Variants in CSMD1 observed in about 807,000 individuals in gnomAD.
The protein encoded by CSMD1 is CUB and Sushi multiple domains 1.
In CSMD1, 213 loss-of-function variants were observed where a neutral mutation model predicts 417.5. That is an observed-to-expected ratio of 0.51 (90% confidence interval 0.46 to 0.57). The LOEUF is 0.57. Ranked by LOEUF, CSMD1 falls within the 20% of genes least tolerant of loss-of-function variation. The probability of loss-of-function intolerance (pLI) is 0.00; values close to 1 mark genes in which losing one functional copy is unlikely to be tolerated. For synonymous variants in CSMD1, 2,862 were observed against 1,736.8 expected (o/e 1.65, Z -16.11); for missense variants, 6,923 against 4,529.7 (o/e 1.53, Z -15.17).
chr8:3,522,586 T>A (rs1797552982), intron 10 of CSMD1, among the ~76,000 whole-genome samples: 1 of 152,136 alleles, frequency 6.6e-6, no homozygotes, highest in African/African-American at 2.4e-5. Flanking sequence ...GGAACACTAC[T>A]CATGTTTCAG....
intron 5 of CSMD1, among the ~76,000 whole-genome samples, chr8:3,843,614 G>C (rs2129095728): frequency 6.6e-6 from 1 of 152,244 alleles, no homozygotes; most frequent in African/African-American, 2.4e-5. Flanking sequence ...ATATTTTAAA[G>C]AGAAATTTGT....
intron 1 of CSMD1, among the ~76,000 whole-genome samples, chr8:4,924,914 T>A (rs999708543): frequency 3.9e-5 from 6 of 152,194 alleles, no homozygotes; most frequent in Admixed American, 3.9e-4. Context: ...CCAAATCTTG[T>A]CTCTTCAAAT....
intron 18 of CSMD1, among the ~76,000 whole-genome samples, chr8:3,382,712 A>G (rs1810715525): frequency 6.6e-6 from 1 of 150,748 alleles, no homozygotes; most frequent in South Asian, 2.1e-4. Context: ...TTAGTGTTGC[A>G]TTTCTTCTCT....
At chr8:4,742,203 T>C (rs1188928825) in intron 1 of CSMD1, among the ~76,000 whole-genome samples, 1 of 151,092 alleles carries the variant, frequency 6.6e-6, no homozygotes, top group Non-Finnish European at 1.5e-5. Flanking sequence ...GCTAATTTTT[T>C]GTATTTTTAG....
intron 2 of CSMD1, among the ~76,000 whole-genome samples, chr8:4,583,668 C>G (rs1456042365): frequency 2.0e-5 from 3 of 152,146 alleles, no homozygotes; most frequent in East Asian, 1.9e-4. Flanking sequence ...TCTAACTAAT[C>G]TGATGGGGTC....
At chr8:3,554,445 G>C (rs1372861473) in intron 10 of CSMD1, among the ~76,000 whole-genome samples, 10 of 152,176 alleles carry the variant, frequency 6.6e-5, no homozygotes, top group East Asian at 1.9e-4. Flanking sequence ...TGGGGGAGCA[G>C]AGAACAGGGT....
At chr8:3,046,302 G>C (rs571028425) in intron 50 of CSMD1, among the ~76,000 whole-genome samples, 1 of 152,282 alleles carries the variant, frequency 6.6e-6, no homozygotes, top group South Asian at 2.1e-4. Flanking sequence ...GCAGGGCTTG[G>C]TGAGGGAATG....
chr8:4,820,818 GT>G lies in CSMD1; in HGVS notation c.85+173513del, dbSNP rs1422899821. Among the ~76,000 whole-genome samples, 3 of 152,140 alleles carry G rather than the reference GT, an allele frequency of 2.0e-5. No individual in the cohort carries two copies. In the East Asian group the frequency reaches 5.8e-4, roughly 29 times the overall value. On this transcript the variant is annotated intron_variant, in intron 1 of 69. Coordinates refer to ENST00000635120, the MANE Select transcript of CSMD1 (RefSeq NM_033225.6). Reference sequence around the variant, plus strand: ...AGACAATAAGATGAAGACAGTAACTGTAATACTTGTTGCAAGCTAAATACTA... The same window carrying G: ...AGACAATAAGATGAAGACAGTAACTGAATACTTGTTGCAAGCTAAATACTA...
intron 2 of CSMD1, among the ~76,000 whole-genome samples, chr8:4,468,010 G>A (rs1047555229): frequency 1.3e-5 from 2 of 152,116 alleles, no homozygotes; most frequent in Non-Finnish European, 2.9e-5. Flanking sequence ...TTTGTGTAGT[G>A]ATAACCCCAT....
At chr8:4,143,975 G>A (rs1425069537) in intron 3 of CSMD1, among the ~76,000 whole-genome samples, 1 of 151,338 alleles carries the variant, frequency 6.6e-6, no homozygotes, top group African/African-American at 2.5e-5. Flanking sequence ...CCAATCCAAG[G>A]CACTCTCCCT....
chr8:4,891,986 C>T (rs1424985566), intron 1 of CSMD1, among the ~76,000 whole-genome samples: 1 of 151,886 alleles, frequency 6.6e-6, no homozygotes, highest in African/African-American at 2.4e-5. Flanking sequence ...GAGGTAAGAC[C>T]AAAATAGCTC....
chr8:3,155,605 G>C lies in CSMD1; in HGVS notation c.5914+2292C>G, dbSNP rs1430517019. 3.2e-4 allele frequency among the ~76,000 whole-genome samples: 48 copies of C among 151,390 alleles called. 1 individual carries two copies. Among genetic ancestry groups the C allele is most frequent in the Non-Finnish European group, 5.9e-5 (4 of 67,858 alleles). On this transcript the variant is annotated intron_variant, in intron 39 of 69. Transcript: ENST00000635120. ...GATGGTCTCGATCTCCTGACTTCGT[G>C]ATCCACTCGCCTCAGCCTCCCAAAG... is the stretch of plus-strand genomic sequence containing the variant.
intron 14 of CSMD1, among the ~76,000 whole-genome samples, 192 bp downstream of exon 14, chr8:3,407,707 A>C (rs1563356254): frequency 6.6e-6 from 1 of 152,228 alleles, no homozygotes; most frequent in Admixed American, 6.5e-5. Context: ...GAAGCCACCT[A>C]TCTAAATACA....
In CSMD1 at chr8:4,007,196, C is replaced by A. The variant is rs76766786; in HGVS notation, c.611-9086G>T. Among the ~76,000 whole-genome samples the A allele has an allele frequency of 6.2e-3, 938 of 152,062 alleles. 59 individuals are homozygous for A. In the East Asian group the frequency reaches 0.13, roughly 22 times the overall value. ...CTGATGCCCACTTTCATAGAACATG[C>A]CTTCTATATATTTTCTATTCAAAGC... On this transcript the variant is annotated intron_variant, in intron 4 of 69. Transcript: ENST00000635120.
chr8:2,970,207 T>C (rs560898840), intron 57 of CSMD1, among the ~76,000 whole-genome samples: 1 of 152,222 alleles, frequency 6.6e-6, no homozygotes, highest in Non-Finnish European at 1.5e-5. Context: ...GAACTCATAG[T>C]GTGCCTTCAT....
chr8:4,458,985 A>T (rs181161036), intron 2 of CSMD1, among the ~76,000 whole-genome samples: 5 of 152,320 alleles, frequency 3.3e-5, no homozygotes, highest in Admixed American at 2.0e-4. Flanking sequence ...CATCTCAGTG[A>T]GGATTCACGT....
rs530716817 is a variant in CSMD1 at position 4,353,910 on chromosome 8, T to G, written c.415+66043A>C. 3.3e-4 allele frequency among the ~76,000 whole-genome samples: 50 copies of G among 152,294 alleles called. 2 individuals carry two copies. In the South Asian group the frequency reaches 8.9e-3, roughly 27 times the overall value. ...GAAAAGAGCATGTTCAGCAAGCTGT[T>G]TTTACACAATGTTCATTTGAGGTAT... On this transcript the variant is annotated intron_variant, in intron 3 of 69. Coordinates refer to ENST00000635120, the MANE Select transcript of CSMD1 (RefSeq NM_033225.6).
intron 3 of CSMD1, among the ~76,000 whole-genome samples, chr8:4,232,769 C>A (rs1270091179): frequency 6.6e-6 from 1 of 152,140 alleles, no homozygotes; most frequent in South Asian, 2.1e-4. Flanking sequence ...GGTTAAAACC[C>A]TAATTGACGT....
intron 2 of CSMD1, among the ~76,000 whole-genome samples, chr8:4,453,981 C>T (rs546072166): frequency 6.6e-6 from 1 of 151,682 alleles, no homozygotes; most frequent in South Asian, 2.1e-4. Context: ...GCCACCGCGC[C>T]CGGCTAATTT....
Sources: gnomAD v4.1 joint callset for allele counts (sites outside exome capture counted in the v4.1 genomes callset) on GRCh38, gnomAD v4.1.1 for gene constraint, MANE v1.5 for transcripts, NCBI Gene and HGNC (gene_info 2026-07-23, HGNC 2026-07-21) for gene names.